The following PDZRN4 variants were observed in gnomAD, a reference collection of about 807,000 sequenced individuals.
The protein encoded by PDZRN4 is PDZ domain-containing RING finger protein 4.
Under a neutral mutation model 99.0 loss-of-function variants are expected in PDZRN4, and 70 were observed. The observed-to-expected ratio is 0.71, with a 90% CI of 0.58 to 0.86. The LOEUF is 0.86. Among genes scored for constraint, PDZRN4 ranks in the 40% least tolerant of loss-of-function variants. The pLI is 0.00. For synonymous variants in PDZRN4, 551 were observed against 501.6 expected (o/e 1.10, Z -1.32); for missense variants, 1,474 against 1,331.2 (o/e 1.11, Z -1.67).
chr12:41,469,929 CAAAAATA>C (rs1175932021), intron 3 of PDZRN4, among the ~76,000 whole-genome samples: 34 of 150,880 alleles, frequency 2.3e-4, no homozygotes, highest in African/African-American at 3.9e-4. Context: ...GACTCCATCT[CAAAAATA>C]AAAAATAAAA....
intron 3 of PDZRN4, among the ~76,000 whole-genome samples, chr12:41,339,414 C>T (rs1951799603): frequency 6.6e-6 from 1 of 152,018 alleles, no homozygotes; most frequent in African/African-American, 2.4e-5. Flanking sequence ...AAAATACAAA[C>T]ATCAAATCAA....
At chr12:41,190,658 A>G (rs1168073715) in intron 1 of PDZRN4, among the ~76,000 whole-genome samples, 2 of 152,324 alleles carry the variant, frequency 1.3e-5, no homozygotes, top group East Asian at 1.9e-4. Flanking sequence ...CTTGATGCTG[A>G]TAGCAGTGAT....
In PDZRN4 at chr12:41,188,871, C is replaced by T; in HGVS notation, c.416C>T (p.Ala139Val). ...GGGGGCTGCGGTCCGACACCCAGGG[C>T]TGGCCGGGGCGGGGGCGCGCGCGGG... ...ARGGCGPTPR[A>V]GRGGGARGGP... The change falls in exon 1 of 10, where the codon GCT becomes GTT. Residue 139 changes from alanine to valine, a missense_variant. Physicochemically the swap from Ala to Val is moderately conservative, Grantham distance 64. Coordinates refer to ENST00000402685, the MANE Select transcript of PDZRN4 (RefSeq NM_001164595.2). 8.6e-7 allele frequency: 1 copy of T among 1,162,582 alleles called. No individual in the cohort carries two copies. The highest frequency in any genetic ancestry group is 1.1e-6 in the Non-Finnish European group (1 of 943,858). The allele number at this position is 1,162,582 out of a possible 1,614,324, so 72.0% of individuals were successfully genotyped here.
rs536613408 is a variant in PDZRN4, at chr12:41,574,708, C to T, written c.*818C>T. 2.0e-4 allele frequency: 30 copies of T among 152,326 alleles called. No homozygotes were observed. The highest frequency in any genetic ancestry group is 4.1e-4 in the Non-Finnish European group (28 of 68,034). 9.4% of individuals were successfully genotyped at this position (152,326 alleles called of 1,614,324 possible). On this transcript the variant is annotated 3_prime_UTR_variant, in exon 10 of 10. Coordinates refer to ENST00000402685, the MANE Select transcript of PDZRN4 (RefSeq NM_001164595.2). ...TATAAAATGTGCACATTTTCTATCACTTGTTTCCAATAAAGTTGTATTGAA... is the reference window on the plus strand; with the variant it reads ...TATAAAATGTGCACATTTTCTATCATTTGTTTCCAATAAAGTTGTATTGAA...
chr12:41,245,743 A>G (rs2120793915), intron 3 of PDZRN4, among the ~76,000 whole-genome samples: 1 of 152,202 alleles, frequency 6.6e-6, no homozygotes, highest in Non-Finnish European at 1.5e-5. Context: ...TATGCTGAGG[A>G]GGAGTCTTTG....
At chr12:41,438,103 TC>T in intron 3 of PDZRN4, 1 of 1,493,376 alleles carries the variant, frequency 6.7e-7, no homozygotes, top group East Asian at 2.3e-5. Flanking sequence ...CTTTATTTTT[TC>T]TTTCAGTACA....
At chr12:41,281,562 G>C (rs960444782) in intron 3 of PDZRN4, among the ~76,000 whole-genome samples, 1 of 152,004 alleles carries the variant, frequency 6.6e-6, no homozygotes, top group South Asian at 2.1e-4. Context: ...CAAGAACTTC[G>C]CAAAGCATAC....
chr12:41,226,814 T>C (rs1333259712), intron 3 of PDZRN4, among the ~76,000 whole-genome samples: 1 of 152,188 alleles, frequency 6.6e-6, no homozygotes, highest in African/African-American at 2.4e-5. Flanking sequence ...AAATAATCAG[T>C]GGCCAGATAT....
At chr12:41,235,696 C>T (rs1393195228) in intron 3 of PDZRN4, among the ~76,000 whole-genome samples, 2 of 152,228 alleles carry the variant, frequency 1.3e-5, no homozygotes, top group East Asian at 1.9e-4. Flanking sequence ...TTTAAAAACC[C>T]TCTATGAAGA....
chr12:41,388,779 G>T (rs73274449), intron 3 of PDZRN4, among the ~76,000 whole-genome samples: 5,405 of 152,270 alleles, frequency 0.035, 318 homozygotes, highest in African/African-American at 0.12. Context: ...CAATTAAAAG[G>T]ATGGAGCTTC....
intron 3 of PDZRN4, among the ~76,000 whole-genome samples, chr12:41,387,621 A>G (rs1952181493): frequency 6.6e-6 from 1 of 152,140 alleles, no homozygotes; most frequent in African/African-American, 2.4e-5. Context: ...GGCATAGGCC[A>G]TGAACAGACA....
chr12:41,544,325 C>T (rs1356995423), intron 5 of PDZRN4, among the ~76,000 whole-genome samples: 1 of 152,174 alleles, frequency 6.6e-6, no homozygotes, highest in Non-Finnish European at 1.5e-5. Context: ...ATTGTTTGTA[C>T]AGCTTTCAGA....
intron 7 of PDZRN4, among the ~76,000 whole-genome samples, chr12:41,557,819 G>A (rs767783557): frequency 3.9e-5 from 6 of 152,070 alleles, no homozygotes; most frequent in Admixed American, 6.5e-5. Flanking sequence ...GTGAGCTCCC[G>A]AAATAGTGAT....
chr12:41,204,047 A>AGCAAATAAAT (rs5797715), intron 3 of PDZRN4, among the ~76,000 whole-genome samples: 77,604 of 151,280 alleles, frequency 0.51, 21,043 homozygotes, highest in South Asian at 0.67. Flanking sequence ...AAGGGCTTGT[A>AGCAAATAAAT]GCAAATAAAT....
At chr12:41,459,770 A>G (rs1345259579) in intron 3 of PDZRN4, among the ~76,000 whole-genome samples, 2 of 152,256 alleles carry the variant, frequency 1.3e-5, no homozygotes, top group African/African-American at 4.8e-5. Flanking sequence ...TGTAGTTCAC[A>G]TGTCACAATG....
chr12:41,200,552 G>A (rs1950808200), intron 3 of PDZRN4, among the ~76,000 whole-genome samples: 1 of 152,116 alleles, frequency 6.6e-6, no homozygotes. Context: ...TCTTTTTACT[G>A]TGCAGCTTGC....
chr12:41,280,329 G>A (rs79756429), intron 3 of PDZRN4, among the ~76,000 whole-genome samples: 2,224 of 152,094 alleles, frequency 0.015, 22 homozygotes, highest in Middle Eastern at 0.034. Context: ...GTTTTTTTCC[G>A]TACCCCAGTG....
At chr12:41,410,517 T>G (rs919590843) in intron 3 of PDZRN4, among the ~76,000 whole-genome samples, 2 of 152,324 alleles carry the variant, frequency 1.3e-5, no homozygotes, top group Admixed American at 6.5e-5. Flanking sequence ...CTGATATTGT[T>G]TTGGGCCAGG....
chr12:41,454,268 T>C (rs1457793285), intron 3 of PDZRN4, among the ~76,000 whole-genome samples: 1 of 152,174 alleles, frequency 6.6e-6, no homozygotes, highest in East Asian at 1.9e-4. Context: ...AATTACATTA[T>C]TGAATGTGTT....
Sources: allele counts gnomAD v4.1 joint callset (sites outside exome capture counted in the v4.1 genomes callset), GRCh38; gene constraint gnomAD v4.1.1; transcripts MANE v1.5; gene names NCBI Gene and HGNC (gene_info 2026-07-23, HGNC 2026-07-21).